The following ZNF462 variants were observed in gnomAD, a reference collection of about 807,000 sequenced individuals.
ZNF462 encodes zinc finger protein 462, also known as zinc finger PBX1-interacting protein.
ZNF462 carries 10 observed loss-of-function variants against 201.9 expected under a neutral mutation model. That is an observed-to-expected ratio of 0.05 (90% confidence interval 0.03 to 0.08). The LOEUF is 0.08. Ranked by LOEUF, ZNF462 falls within the 10% of genes least tolerant of loss-of-function variation. The probability of loss-of-function intolerance (pLI) is 1.00; values close to 1 mark genes in which losing one functional copy is unlikely to be tolerated. For synonymous variants in ZNF462, 1,227 were observed against 1,193.3 expected (o/e 1.03, Z -0.58); for missense variants, 2,523 against 3,168.3 (o/e 0.80, Z 4.89).
upstream of ZNF462, among the ~76,000 whole-genome samples, chr9:106,861,897 C>G (rs1372868299): frequency 1.3e-5 from 2 of 152,316 alleles, no homozygotes; most frequent in African/African-American, 4.8e-5. Flanking sequence ...CTGATTGTTA[C>G]TTTCCGAGCC....
rs751234296 is a variant in ZNF462, at chr9:106,928,955, C to G, written c.5043C>G (p.Ile1681Met). 6.2e-7 allele frequency: 1 copy of G among 1,614,034 alleles called. No homozygotes were observed. The highest frequency in any genetic ancestry group is 1.3e-5 in the African/African-American group (1 of 74,926). ...AGGGGATCGCCAGGCACTACCGCAT[C>G]AAGCACAATAATGTCCGAGCCCAGC... Reference protein sequence around the residue: ...TRKGIARHYRIKHNNVRAQPE... With the variant: ...TRKGIARHYRMKHNNVRAQPE... Residue 1681 changes from isoleucine to methionine, a missense_variant, in exon 3 of 13, where the codon ATC becomes ATG. Ile to Met is a conservative substitution (Grantham distance 10). Transcript: ENST00000277225. This position sits in a 1 kb window ranked among gnomAD's most constrained non-coding sequence, Gnocchi z 9.3.
rs1829124565 is a variant in ZNF462, at chr9:106,902,936, G to A, written c.-30-20418G>A. ...GTTTGTTTGAATTTCATTTAGTTTT[G>A]CCCTGATCTTGGTTATTTCCTCCCT... is the stretch of plus-strand genomic sequence containing the variant. On this transcript the variant is annotated intron_variant, in intron 1 of 12. Transcript: ENST00000277225. This position sits in a 1 kb window ranked among gnomAD's most constrained non-coding sequence, Gnocchi z 4.2. Among the ~76,000 whole-genome samples, 1 of 151,456 alleles carries A rather than the reference G, an allele frequency of 6.6e-6. No individual in the cohort carries two copies. The highest frequency in any genetic ancestry group is 2.4e-5 in the African/African-American group (1 of 41,190).
chr9:106,998,912 A>G (rs960185989), intron 10 of ZNF462, among the ~76,000 whole-genome samples: 3 of 152,032 alleles, frequency 2.0e-5, no homozygotes, highest in Non-Finnish European at 4.4e-5. Flanking sequence ...CCCAGCCCTC[A>G]TCTCACATTC....
intron 10 of ZNF462, among the ~76,000 whole-genome samples, chr9:107,001,795 C>T (rs926359961): frequency 6.6e-6 from 1 of 152,080 alleles, no homozygotes; most frequent in Non-Finnish European, 1.5e-5. Flanking sequence ...GCTTGTTAAG[C>T]GTTGGCATTG....
At position 107,013,306 on chromosome 9, in the gene ZNF462, G is replaced by A. The variant is rs968529176; in HGVS notation, c.*2276G>A. The A allele has an allele frequency of 6.6e-6, 1 of 152,022 alleles. No individual in the cohort carries two copies. Among genetic ancestry groups the A allele is most frequent in the Admixed American group, 6.6e-5 (1 of 15,240 alleles). The allele number at this position is 152,022 out of a possible 1,614,324, so 9.4% of individuals were successfully genotyped here. A position where few individuals can be genotyped will look rare whatever the true frequency, so the allele number is the denominator to read the frequency against. ...TTCAAACATATACCTGATATTTTGTGGCCGCACATTTTGGATGCATTATTA... is the reference window on the plus strand; with the variant it reads ...TTCAAACATATACCTGATATTTTGTAGCCGCACATTTTGGATGCATTATTA... On this transcript the variant is annotated 3_prime_UTR_variant, in exon 13 of 13. Transcript: ENST00000277225.
chr9:106,937,889 A>G (rs1463439346), intron 6 of ZNF462, among the ~76,000 whole-genome samples: 2 of 152,174 alleles, frequency 1.3e-5, no homozygotes, highest in African/African-American at 4.8e-5. Context: ...ATTTCTAAGT[A>G]AAACTTTATA....
rs1434912178 is a variant in ZNF462, at chr9:106,968,618, T to C, written c.6428-3387T>C. Among the ~76,000 whole-genome samples, 1 of 152,104 alleles carries C rather than the reference T, an allele frequency of 6.6e-6. No individual in the cohort carries two copies. The highest frequency in any genetic ancestry group is 1.5e-5 in the Non-Finnish European group (1 of 68,010). Reference sequence around the variant, plus strand: ...ACCTGCTTTTAAAGGTGGACCACCTTAGTCTTTGCTGTTGGTTCCATTGTA... The same window carrying C: ...ACCTGCTTTTAAAGGTGGACCACCTCAGTCTTTGCTGTTGGTTCCATTGTA... On this transcript the variant is annotated intron_variant, in intron 7 of 12. Transcript: ENST00000277225. The surrounding 1 kb of genome is among the most constrained non-coding windows in gnomAD (Gnocchi z 4.0).
At chr9:106,921,688 C>T (rs753977514) in intron 1 of ZNF462, among the ~76,000 whole-genome samples, 92 of 152,224 alleles carry the variant, frequency 6.0e-4, no homozygotes, top group Admixed American at 1.2e-3. Context: ...GTGAAGTGTT[C>T]TAAATGCAGG....
chr9:107,006,221 C>T lies in ZNF462; in HGVS notation c.7189+2795C>T, dbSNP rs1829531711. 6.6e-6 allele frequency among the ~76,000 whole-genome samples: 1 copy of T among 152,176 alleles called. No individual in the cohort carries two copies. Among genetic ancestry groups the T allele is most frequent in the Admixed American group, 6.5e-5 (1 of 15,276 alleles). On this transcript the variant is annotated intron_variant, in intron 11 of 12. Transcript: ENST00000277225. This position sits in a 1 kb window ranked among gnomAD's most constrained non-coding sequence, Gnocchi z 4.3. Reference sequence around the variant, plus strand: ...TAAATGAGATAACACAGAAGACCTTCACCCAGTTCCTAGAATATAACAATC... The same window carrying T: ...TAAATGAGATAACACAGAAGACCTTTACCCAGTTCCTAGAATATAACAATC...
At chr9:106,894,640 A>G (rs1044579445) in intron 1 of ZNF462, among the ~76,000 whole-genome samples, 1 of 152,214 alleles carries the variant, frequency 6.6e-6, no homozygotes, top group African/African-American at 2.4e-5. Context: ...GAATCCTTCA[A>G]GGTTTTCTAG....
Position 106,929,952 on chromosome 9 carries a change from C to T in ZNF462, c.5847+193C>T, listed in dbSNP as rs1588074926. 6.6e-6 allele frequency among the ~76,000 whole-genome samples: 1 copy of T among 152,212 alleles called. No individual in the cohort carries two copies. Among genetic ancestry groups the T allele is most frequent in the East Asian group, 1.9e-4 (1 of 5,148 alleles). ...TGCTCACCCCTCTCCTTGGTCCCTTCTCCTCCCTCCTTCCCTTTGACTCCT... is the reference window on the plus strand; with the variant it reads ...TGCTCACCCCTCTCCTTGGTCCCTTTTCCTCCCTCCTTCCCTTTGACTCCT... On this transcript the variant is annotated intron_variant, in intron 3 of 12. Coordinates refer to ENST00000277225, the MANE Select transcript of ZNF462 (RefSeq NM_021224.6). This position sits in a 1 kb window ranked among gnomAD's most constrained non-coding sequence, Gnocchi z 8.7.
At chr9:106,915,745 G>A (rs549089629) in intron 1 of ZNF462, among the ~76,000 whole-genome samples, 252 of 152,248 alleles carry the variant, frequency 1.7e-3, no homozygotes, top group African/African-American at 5.9e-3. Flanking sequence ...AAGCATTTAC[G>A]GTCTATATAG....
Position 106,929,847 on chromosome 9 carries a change from G to T in ZNF462, c.5847+88G>T. On this transcript the variant is annotated intron_variant, in intron 3 of 12. Coordinates refer to ENST00000277225, the MANE Select transcript of ZNF462 (RefSeq NM_021224.6). The surrounding 1 kb of genome is among the most constrained non-coding windows in gnomAD (Gnocchi z 8.7). The stretch of plus-strand genomic sequence containing the variant: ...CTTCTTCGTTGCCAGCCAAACTGCT[G>T]CAGGCTTCCTAGTGACTTAGCTTGC... The T allele has an allele frequency of 8.1e-7, 1 of 1,239,532 alleles. No individual in the cohort carries two copies. Among genetic ancestry groups the T allele is most frequent in the Non-Finnish European group, 1.1e-6 (1 of 886,360 alleles). 76.8% of individuals were successfully genotyped at this position (1,239,532 alleles called of 1,614,324 possible). A position where few individuals can be genotyped will look rare whatever the true frequency, so the allele number is the denominator to read the frequency against.
At chr9:106,955,224 C>T (rs971839277) in intron 7 of ZNF462, among the ~76,000 whole-genome samples, 2 of 152,026 alleles carry the variant, frequency 1.3e-5, no homozygotes, top group African/African-American at 2.4e-5. Flanking sequence ...GGAGATGTTG[C>T]GGGTTTGGTT....
rs1237724558 is a variant in ZNF462, at chr9:107,013,433, T to C, written c.*2403T>C. The C allele has an allele frequency of 6.6e-6, 1 of 152,160 alleles. No individual in the cohort carries two copies. Among genetic ancestry groups the C allele is most frequent in the Non-Finnish European group, 1.5e-5 (1 of 68,004 alleles). 9.4% of individuals were successfully genotyped at this position (152,160 alleles called of 1,614,324 possible). On this transcript the variant is annotated 3_prime_UTR_variant, in exon 13 of 13. Transcript: ENST00000277225. ...TCAGAGCTTGAGAGAAGAAAATAAA[T>C]AGCAAAATGATAACCTATTGACTCC...
At chr9:106,921,127 C>G (rs1324046582) in intron 1 of ZNF462, among the ~76,000 whole-genome samples, 5 of 152,032 alleles carry the variant, frequency 3.3e-5, no homozygotes, top group Non-Finnish European at 7.4e-5. Context: ...GGTATGTCTT[C>G]TGTGTGTGGA....
intron 6 of ZNF462, among the ~76,000 whole-genome samples, chr9:106,936,836 T>C (rs1019269919): frequency 6.6e-6 from 1 of 152,206 alleles, no homozygotes; most frequent in Admixed American, 6.5e-5. Flanking sequence ...GCCTGCACAC[T>C]GATGCCAGCG....
In ZNF462 at chr9:106,876,881, T is replaced by G. The variant is rs148209170; in HGVS notation, c.-31+13526T>G. ...TAAATGTTGTCTGCCTCACTGTTGCTCTACTCACATACATATCTCTTAGCC... is the reference window on the plus strand; with the variant it reads ...TAAATGTTGTCTGCCTCACTGTTGCGCTACTCACATACATATCTCTTAGCC... On this transcript the variant is annotated intron_variant, in intron 1 of 12. Coordinates refer to ENST00000277225, the MANE Select transcript of ZNF462 (RefSeq NM_021224.6). This position sits in a 1 kb window ranked among gnomAD's most constrained non-coding sequence, Gnocchi z 4.9. Among the ~76,000 whole-genome samples the G allele has an allele frequency of 6.5e-4, 99 of 152,348 alleles. No individual in the cohort carries two copies. Among genetic ancestry groups the G allele is most frequent in the African/African-American group, 2.3e-3 (94 of 41,580 alleles).
In ZNF462 at chr9:106,924,799, C is replaced by T. The variant is rs1363597193; in HGVS notation, c.887C>T (p.Pro296Leu). The T allele has an allele frequency of 6.2e-7, 1 of 1,614,044 alleles. No individual in the cohort carries two copies. The highest frequency in any genetic ancestry group is 8.5e-7 in the Non-Finnish European group (1 of 1,180,038). Residue 296 changes from proline (P) to leucine (L), a missense_variant, in exon 3 of 13, where the codon CCC (proline) becomes CTC (leucine). Transcript: ENST00000277225. The surrounding 1 kb of genome is among the most constrained non-coding windows in gnomAD (Gnocchi z 6.2). ...GTGCCGAACAAGAGTGCCCCCAGCCCCACTTCCAACTCCACCTATCTGACC... is the reference window on the plus strand; with the variant it reads ...GTGCCGAACAAGAGTGCCCCCAGCCTCACTTCCAACTCCACCTATCTGACC... ...PDVPNKSAPS[P>L]TSNSTYLTMN... is the part of the protein sequence containing the mutation.
Sources: allele counts gnomAD v4.1 joint callset (sites outside exome capture counted in the v4.1 genomes callset), GRCh38; gene constraint gnomAD v4.1.1; non-coding constraint Gnocchi (gnomAD v3.1); transcripts MANE v1.5; gene names NCBI Gene and HGNC (gene_info 2026-07-23, HGNC 2026-07-21).